LMLN: variants seen among roughly 807,000 people sequenced by gnomAD.
LMLN encodes the protein leishmanolysin-like peptidase.
Under a neutral mutation model 92.3 loss-of-function variants are expected in LMLN, and 70 were observed. That is an observed-to-expected ratio of 0.76 (90% CI 0.63 to 0.92). LMLN has a LOEUF of 0.92. LMLN is among the 40% of genes least tolerant of loss of function. LMLN has a pLI of 0.00. For missense variants in LMLN, 691 were observed against 814.6 expected (o/e 0.85, Z 1.85); for synonymous variants, 308 against 296.2 (o/e 1.04, Z -0.41).
chr3:198,012,816 C>G (rs1396632277), intron 11 of LMLN, among the ~76,000 whole-genome samples: 1 of 148,960 alleles, frequency 6.7e-6, no homozygotes, highest in African/African-American at 2.5e-5. Context: ...AGCCCCCTAA[C>G]TAGTCTGACT....
At chr3:197,999,926 G>A (rs1722125784) in intron 11 of LMLN, among the ~76,000 whole-genome samples, 1 of 152,172 alleles carries the variant, frequency 6.6e-6, no homozygotes, top group African/African-American at 2.4e-5. Context: ...GAAGGAAAGA[G>A]TAAACAATTT....
intron 8 of LMLN, 46 bp downstream of exon 8, chr3:197,985,936 C>A: frequency 8.7e-7 from 1 of 1,146,264 alleles, no homozygotes; most frequent in Non-Finnish European, 1.3e-6. Flanking sequence ...TAGGAGGGTG[C>A]TAAGACTAGA....
chr3:197,968,177 T>C (rs1721113319), intron 1 of LMLN, among the ~76,000 whole-genome samples: 1 of 152,070 alleles, frequency 6.6e-6, no homozygotes, highest in African/African-American at 2.4e-5. Context: ...TAAGAAGTTA[T>C]AAGAGTACAC....
chr3:197,997,578 G>A (rs575642045), intron 10 of LMLN, among the ~76,000 whole-genome samples: 3 of 152,302 alleles, frequency 2.0e-5, no homozygotes, highest in South Asian at 2.1e-4. Flanking sequence ...ACGCAGAGCC[G>A]CTGGCTACAC....
chr3:197,983,423 A>T (rs1406733021), intron 6 of LMLN, among the ~76,000 whole-genome samples: 1 of 152,180 alleles, frequency 6.6e-6, no homozygotes, highest in East Asian at 1.9e-4. Context: ...AGGGTGTAGA[A>T]TTTGGAAGAA....
intron 11 of LMLN, among the ~76,000 whole-genome samples, chr3:198,009,331 T>C (rs1239806670): frequency 1.3e-5 from 2 of 152,228 alleles, no homozygotes; most frequent in Admixed American, 6.5e-5. Flanking sequence ...GGTGCACACA[T>C]GTTTAGGATT....
At chr3:197,989,605 C>T (rs1461062032) in intron 8 of LMLN, among the ~76,000 whole-genome samples, 1 of 152,214 alleles carries the variant, frequency 6.6e-6, no homozygotes, top group East Asian at 1.9e-4. Context: ...AATTCATCGT[C>T]ATCTTAGCCA....
At chr3:198,012,058 G>GT (rs968569071) in intron 11 of LMLN, among the ~76,000 whole-genome samples, 43 of 151,990 alleles carry the variant, frequency 2.8e-4, no homozygotes, top group South Asian at 1.2e-3. Flanking sequence ...ATCAAAAAGT[G>GT]TTTTTTTTAT....
chr3:197,986,810 C>G (rs755300702), intron 8 of LMLN, among the ~76,000 whole-genome samples: 2 of 149,882 alleles, frequency 1.3e-5, no homozygotes, highest in African/African-American at 2.5e-5. Flanking sequence ...GTAAACAATT[C>G]TTTTAATGTT....
At chr3:198,036,586 C>A (rs1723240767) in intron 15 of LMLN, among the ~76,000 whole-genome samples, 1 of 152,070 alleles carries the variant, frequency 6.6e-6, no homozygotes, top group African/African-American at 2.4e-5. Flanking sequence ...TTCTGTGAGA[C>A]TCCAGAGAAT....
chr3:197,974,563 A>T, intron 2 of LMLN, 89 bp downstream of exon 2: 1 of 683,228 alleles, frequency 1.5e-6, no homozygotes, highest in Non-Finnish European at 2.4e-6. Flanking sequence ...CTAAGAATCC[A>T]TAGATAAAAC....
At chr3:197,984,633 G>A (rs1280852198) in intron 7 of LMLN, among the ~76,000 whole-genome samples, 7 of 150,504 alleles carry the variant, frequency 4.7e-5, no homozygotes, top group African/African-American at 1.7e-4. Context: ...TTTTTTGATA[G>A]AGATAAGGTC....
rs1722725447 is a variant in LMLN at position 198,019,539 on chromosome 3, TTAAAAC to T, written c.1365+158_1365+163del. On this transcript the variant is annotated intron_variant, in intron 12 of 15. Transcript: ENST00000330198. The surrounding 1 kb of genome is among the most constrained non-coding windows in gnomAD (Gnocchi z 5.5). ...AAAATGGAATAATGCTTCCATTTCT[TTAAAAC>T]TAATGTCCTAATTGATAGCACTTAG... 6.6e-6 allele frequency among the ~76,000 whole-genome samples: 1 copy of T among 152,228 alleles called. No homozygotes were observed. Among genetic ancestry groups the T allele is most frequent in the South Asian group, 2.1e-4 (1 of 4,832 alleles).
At chr3:197,994,471 A>T (rs1721962766) in intron 9 of LMLN, 1 of 152,212 alleles carries the variant, frequency 6.6e-6, no homozygotes, top group Non-Finnish European at 1.5e-5. Context: ...TTCTCAAAAG[A>T]AGACATGCAA....
At chr3:197,992,285 G>C (rs1320984250) in intron 9 of LMLN, among the ~76,000 whole-genome samples, 1 of 151,978 alleles carries the variant, frequency 6.6e-6, no homozygotes, top group African/African-American at 2.4e-5. Context: ...CACAACAGAG[G>C]GGGCACTGGT....
At chr3:197,975,111 A>C (rs1484176817) in intron 3 of LMLN, 39 bp downstream of exon 3, 2 of 1,136,380 alleles carry the variant, frequency 1.8e-6, no homozygotes, top group East Asian at 2.4e-5. Context: ...TGGACACTTA[A>C]AATTTTATTG....
At position 197,996,223 on chromosome 3, in the gene LMLN, CT is replaced by C. The variant is rs1228023923; in HGVS notation, c.1098del (p.Glu367LysfsTer18). 5.0e-6 allele frequency: 8 copies of C among 1,606,606 alleles called. No homozygotes were observed. The Admixed American group carries it at 1.4e-4, about 27-fold the overall frequency. On this transcript the variant is annotated frameshift_variant, in exon 10 of 16. Transcript: ENST00000330198. LOFTEE classifies it high-confidence loss of function. ...TTGTCCAGTTCTAGAGGGAATGGAA[CT>C]TGAAAATCAAGGTGGTGTGGGCACT...
At chr3:198,017,915 C>G (rs972231392) in intron 11 of LMLN, among the ~76,000 whole-genome samples, 14 of 151,968 alleles carry the variant, frequency 9.2e-5, no homozygotes, top group Non-Finnish European at 1.3e-4. Flanking sequence ...GACTCTGTCT[C>G]AAAATAAATA....
At chr3:198,027,699 C>T (rs147344784) in intron 14 of LMLN, among the ~76,000 whole-genome samples, 5 of 152,324 alleles carry the variant, frequency 3.3e-5, no homozygotes, top group African/African-American at 9.6e-5. Context: ...GTATTCCTTA[C>T]GGTGTTCCTT....
Sources: allele counts gnomAD v4.1 joint callset (sites outside exome capture counted in the v4.1 genomes callset), GRCh38; gene constraint gnomAD v4.1.1; non-coding constraint Gnocchi (gnomAD v3.1); transcripts MANE v1.5; gene names NCBI Gene and HGNC (gene_info 2026-07-23, HGNC 2026-07-21).